Variants in CHL1 observed in about 807,000 individuals in gnomAD.
CHL1 encodes cell adhesion molecule L1 like.
In CHL1, 96 loss-of-function variants were observed where a neutral mutation model predicts 141.9. The ratio of observed to expected loss-of-function variants is 0.68; its 90% CI spans 0.57 to 0.80. The LOEUF (loss-of-function observed/expected upper bound fraction) is 0.80, where lower values mean the gene tolerates loss of function less well. CHL1 is among the 30% of genes least tolerant of loss of function. CHL1 has a pLI of 0.00. For missense variants in CHL1, 1,820 were observed against 1,457.2 expected, an observed-to-expected ratio of 1.25 and a Z score of -4.05; for synonymous variants, 613 against 502.2, an observed-to-expected ratio of 1.22 and a Z score of -2.95.
In CHL1 at chr3:201,730, A is replaced by G. The variant is rs538908809; in HGVS notation, c.-175+4667A>G. Among the ~76,000 whole-genome samples the G allele has an allele frequency of 3.3e-5, 5 of 152,288 alleles. No homozygotes were observed. In the South Asian group the frequency reaches 8.3e-4, roughly 25 times the overall value. On this transcript the variant is annotated intron_variant, in intron 1 of 27. Coordinates refer to ENST00000256509, the MANE Select transcript of CHL1 (RefSeq NM_006614.4). Reference sequence around the variant, plus strand: ...CTTGGTCAATATATAATTATATTTTATGCTTTGACCAGGGTTTCTTCTCCT... The same window carrying G: ...CTTGGTCAATATATAATTATATTTTGTGCTTTGACCAGGGTTTCTTCTCCT...
intron 11 of CHL1, among the ~76,000 whole-genome samples, chr3:357,062 G>A (rs1703785817): frequency 6.6e-6 from 1 of 152,198 alleles, no homozygotes; most frequent in Non-Finnish European, 1.5e-5. Flanking sequence ...TTTTGAAATT[G>A]AGCCAATAGG....
chr3:242,619 A>T (rs1406762996), intron 1 of CHL1, among the ~76,000 whole-genome samples: 1 of 151,366 alleles, frequency 6.6e-6, no homozygotes, highest in Non-Finnish European at 1.5e-5. Flanking sequence ...AAAATAAAAT[A>T]AAATAAAATA....
intron 2 of CHL1, among the ~76,000 whole-genome samples, chr3:289,395 T>C (rs1019667011): frequency 1.3e-5 from 2 of 151,798 alleles, no homozygotes; most frequent in African/African-American, 4.9e-5. Flanking sequence ...AATATTAGGT[T>C]GTTGTAAAAG....
chr3:305,661 A>G (rs1006138313), intron 2 of CHL1, among the ~76,000 whole-genome samples: 5 of 151,168 alleles, frequency 3.3e-5, no homozygotes, highest in African/African-American at 1.2e-4. Flanking sequence ...TTTATATAAC[A>G]GATATAAGGC....
In CHL1 at chr3:208,652, G is replaced by T. The variant is rs1040043198; in HGVS notation, c.-175+11589G>T. ...TATCCGTTTTGGTTATTTGAATATG[G>T]TACCATTAATGAAACTGGTTTATTT... On this transcript the variant is annotated intron_variant, in intron 1 of 27. Transcript: ENST00000256509. 2.0e-5 allele frequency among the ~76,000 whole-genome samples: 3 copies of T among 152,130 alleles called. No individual in the cohort carries two copies. In the South Asian group the frequency reaches 6.2e-4, roughly 31 times the overall value.
In CHL1 at chr3:406,073, C is replaced by T. The variant is rs530200499; in HGVS notation, c.*362C>T. On this transcript the variant is annotated 3_prime_UTR_variant, in exon 28 of 28. Coordinates refer to ENST00000256509, the MANE Select transcript of CHL1 (RefSeq NM_006614.4). The stretch of plus-strand genomic sequence containing the variant: ...TGTTGCTACTTGGTGGGTTTTTCTC[C>T]GTATGCACATTGGTATACAGTCTCT... 4.5e-5 allele frequency: 10 copies of T among 220,358 alleles called. No individual in the cohort carries two copies. In the East Asian group the frequency reaches 5.0e-4, roughly 11 times the overall value. The allele number at this position is 220,358 out of a possible 1,614,324, so 13.7% of individuals were successfully genotyped here. A position where few individuals can be genotyped will look rare whatever the true frequency, so the allele number is the denominator to read the frequency against.
At chr3:253,398 C>G (rs331883) in intron 2 of CHL1, among the ~76,000 whole-genome samples, 4 of 151,914 alleles carry the variant, frequency 2.6e-5, no homozygotes, top group African/African-American at 9.7e-5. Flanking sequence ...TATACCAGTA[C>G]GTAAGCAAGA....
intron 2 of CHL1, among the ~76,000 whole-genome samples, chr3:261,357 AAAAT>A (rs1244869007): frequency 2.0e-5 from 3 of 152,156 alleles, no homozygotes; most frequent in Admixed American, 6.6e-5. Context: ...GGAGAAGAGA[AAAAT>A]AAAGGAAGGA....
At chr3:405,247 G>A (rs916050742) in intron 27 of CHL1, among the ~76,000 whole-genome samples, 11 of 152,160 alleles carry the variant, frequency 7.2e-5, no homozygotes, top group African/African-American at 2.7e-4. Context: ...TTAAAGAGAA[G>A]CACAAATGTT....
At position 407,334 on chromosome 3, in the gene CHL1, G is replaced by C. The variant is rs1709591771; in HGVS notation, c.*1623G>C. 1 of 152,108 alleles carries C rather than the reference G, an allele frequency of 6.6e-6. No individual in the cohort carries two copies. The highest frequency in any genetic ancestry group is 2.1e-4 in the South Asian group (1 of 4,830). 9.4% of individuals were successfully genotyped at this position (152,108 alleles called of 1,614,324 possible). A position where few individuals can be genotyped will look rare whatever the true frequency, so the allele number is the denominator to read the frequency against. ...ACCAAAATTTGGGGTATTTATAATA[G>C]TCAGCGCAGGAATGCACATGGAATA... is the stretch of plus-strand genomic sequence containing the variant. On this transcript the variant is annotated 3_prime_UTR_variant, in exon 28 of 28. Coordinates refer to ENST00000256509, the MANE Select transcript of CHL1 (RefSeq NM_006614.4).
chr3:314,542 C>G (rs979842472), intron 2 of CHL1, among the ~76,000 whole-genome samples: 2 of 151,536 alleles, frequency 1.3e-5, no homozygotes, highest in Non-Finnish European at 2.9e-5. Flanking sequence ...CTTAGCCAGT[C>G]TTGACTGATA....
At chr3:318,139 C>G (rs1327953273) in intron 2 of CHL1, among the ~76,000 whole-genome samples, 1 of 151,704 alleles carries the variant, frequency 6.6e-6, no homozygotes, top group Non-Finnish European at 1.5e-5. Context: ...ATTTTGTTCT[C>G]AAAGTAAAGC....
intron 13 of CHL1, among the ~76,000 whole-genome samples, chr3:362,412 C>G (rs867651498): frequency 6.6e-6 from 1 of 152,048 alleles, no homozygotes; most frequent in Non-Finnish European, 1.5e-5. Flanking sequence ...CAGATATTGC[C>G]TTTATTTTAA....
chr3:219,158 G>C (rs1700597652), intron 1 of CHL1, among the ~76,000 whole-genome samples: 1 of 151,006 alleles, frequency 6.6e-6, no homozygotes, highest in East Asian at 1.9e-4. Flanking sequence ...AAAAAAAAAA[G>C]GTCAAAAAAT....
intron 2 of CHL1, among the ~76,000 whole-genome samples, chr3:283,695 C>G (rs1256291562): frequency 6.6e-6 from 1 of 152,176 alleles, no homozygotes; most frequent in Non-Finnish European, 1.5e-5. Flanking sequence ...GTGTGGGTAA[C>G]TACCCCATGG....
At chr3:212,089 G>A (rs1252196539) in intron 1 of CHL1, among the ~76,000 whole-genome samples, 1 of 152,042 alleles carries the variant, frequency 6.6e-6, no homozygotes, top group African/African-American at 2.4e-5. Flanking sequence ...TGTTATATAT[G>A]TTAAATTCTG....
At chr3:328,668 T>G (rs1418001766) in intron 5 of CHL1, among the ~76,000 whole-genome samples, 1 of 152,176 alleles carries the variant, frequency 6.6e-6, no homozygotes, top group African/African-American at 2.4e-5. Flanking sequence ...CAGTAATAGA[T>G]AACCCCAAAA....
At chr3:272,773 T>C (rs1441466710) in intron 2 of CHL1, among the ~76,000 whole-genome samples, 1 of 152,222 alleles carries the variant, frequency 6.6e-6, no homozygotes, top group Non-Finnish European at 1.5e-5. Context: ...TGCTCCCAAA[T>C]GGATTCATCC....
At chr3:310,111 CAA>C (rs1699628717) in intron 2 of CHL1, among the ~76,000 whole-genome samples, 3 of 151,694 alleles carry the variant, frequency 2.0e-5, no homozygotes, top group South Asian at 4.2e-4. Context: ...TATTTAATAA[CAA>C]GAGAATAGTA....
Sources: allele counts gnomAD v4.1 joint callset (sites outside exome capture counted in the v4.1 genomes callset), GRCh38; gene constraint gnomAD v4.1.1; transcripts MANE v1.5; gene names NCBI Gene and HGNC (gene_info 2026-07-23, HGNC 2026-07-21).